The following TMC6 variants were observed in gnomAD, a reference collection of about 807,000 sequenced individuals.
TMC6 encodes the protein transmembrane channel-like protein 6.
TMC6 carries 71 observed loss-of-function variants against 95.4 expected under a neutral mutation model. The observed-to-expected ratio is 0.74, with a 90% CI of 0.61 to 0.91. The LOEUF is 0.91. TMC6 is among the 40% of genes least tolerant of loss of function. TMC6 has a pLI of 0.00. For synonymous variants in TMC6, 514 were observed against 483.1 expected, an observed-to-expected ratio of 1.06 and a Z score of -0.84; for missense variants, 1,074 against 1,079.1, an observed-to-expected ratio of 1.00 and a Z score of 0.07.
intron 17 of TMC6, 27 bp from the exon 18 acceptor site, chr17:78,117,374 G>A: frequency 6.2e-7 from 1 of 1,612,852 alleles, no homozygotes. Context: ...GTCGGGCAGG[G>A]CCCAGGGCCA....
At chr17:78,119,131 T>C in intron 14 of TMC6, 85 bp from the exon 15 acceptor site, 3 of 1,506,682 alleles carry the variant, frequency 2.0e-6, no homozygotes, top group Admixed American at 3.8e-5. Flanking sequence ...GGGCAGGGCA[T>C]GTGACAGTGG....
chr17:78,108,417 G>C lies in TMC6; in HGVS notation c.*4731C>G, dbSNP rs916520944. 1 of 154,904 alleles carries C rather than the reference G, an allele frequency of 6.5e-6. No homozygotes were observed. Among genetic ancestry groups the C allele is most frequent in the African/African-American group, 2.4e-5 (1 of 41,538 alleles). The allele number at this position is 154,904 out of a possible 1,614,324, so 9.6% of individuals were successfully genotyped here. A position where few individuals can be genotyped will look rare whatever the true frequency, so the allele number is the denominator to read the frequency against. On this transcript the variant is annotated 3_prime_UTR_variant, in exon 20 of 20. Coordinates refer to ENST00000590602, the MANE Select transcript of TMC6 (RefSeq NM_001127198.5). ...TCAAAATGCACTTGAACCTGGAAGCGGCAACCCTCAGCTCTGCGCGGCCGA... is the reference window on the plus strand; with the variant it reads ...TCAAAATGCACTTGAACCTGGAAGCCGCAACCCTCAGCTCTGCGCGGCCGA...
In TMC6 at chr17:78,119,296, C is replaced by T. The variant is rs1567989416; in HGVS notation, c.1811+1G>A. The T allele has an allele frequency of 6.2e-7, 1 of 1,614,000 alleles. No individual in the cohort carries two copies. The highest frequency in any genetic ancestry group is 8.5e-7 in the Non-Finnish European group (1 of 1,180,016). ...GTAGGAGGCAAGCAGAGGACCCTCACCAGGTCAGAGTCTGCCCATAAATCA... is the reference window on the plus strand; with the variant it reads ...GTAGGAGGCAAGCAGAGGACCCTCATCAGGTCAGAGTCTGCCCATAAATCA... On this transcript the variant is annotated splice_donor_variant, in intron 14 of 19. Coordinates refer to ENST00000590602, the MANE Select transcript of TMC6 (RefSeq NM_001127198.5). LOFTEE classifies it high-confidence loss of function.
chr17:78,126,245 G>C, intron 4 of TMC6, 32 bp downstream of exon 4: 1 of 1,542,684 alleles, frequency 6.5e-7, no homozygotes, highest in Non-Finnish European at 8.7e-7. Context: ...CTCGGGGCCG[G>C]GGCCGAGGCC....
At chr17:78,124,390 G>A in intron 8 of TMC6, 134 bp downstream of exon 8, 1 of 1,446,694 alleles carries the variant, frequency 6.9e-7, no homozygotes, top group East Asian at 2.4e-5. Flanking sequence ...GAGGCGGGGA[G>A]CTGGCTGTGG....
chr17:78,115,914 C>T (rs1000310484), intron 18 of TMC6, among the ~76,000 whole-genome samples: 4 of 149,788 alleles, frequency 2.7e-5, no homozygotes, highest in South Asian at 2.1e-4. Flanking sequence ...GGCACAGGGG[C>T]GAAGGGAGTG....
intron 15 of TMC6, 144 bp from the exon 16 acceptor site, chr17:78,118,079 C>T: frequency 7.2e-7 from 1 of 1,380,770 alleles, no homozygotes; most frequent in South Asian, 1.3e-5. Context: ...TCCTCATTTA[C>T]AGAGGAAGAC....
intron 12 of TMC6, 63 bp downstream of exon 12, chr17:78,120,950 C>T (rs747559259): frequency 6.2e-6 from 10 of 1,612,588 alleles, no homozygotes; most frequent in South Asian, 1.1e-5. Context: ...TTGGATACAC[C>T]CGGAGCTAAA....
chr17:78,121,455 G>A lies in TMC6; in HGVS notation c.1383+101C>T, dbSNP rs1310748903. Reference sequence around the variant, plus strand: ...GCGTACGTGGCACCCTGGGCTGGCTGGGTGGAGGAGGAGAGGCAAGGCTGC... The same window carrying A: ...GCGTACGTGGCACCCTGGGCTGGCTAGGTGGAGGAGGAGAGGCAAGGCTGC... On this transcript the variant is annotated intron_variant, in intron 11 of 19. Transcript: ENST00000590602. The surrounding 1 kb of genome is among the most constrained non-coding windows in gnomAD (Gnocchi z 5.6). 2 of 1,570,358 alleles carry A rather than the reference G, an allele frequency of 1.3e-6. No homozygotes were observed. Among genetic ancestry groups the A allele is most frequent in the Non-Finnish European group, 1.7e-6 (2 of 1,157,000 alleles).
In TMC6 at chr17:78,119,335, C is replaced by G. The variant is rs780430625; in HGVS notation, c.1773G>C (p.Arg591=). Residue 591 remains arginine (R), a synonymous_variant, in exon 14 of 20, where the codon CGG becomes CGC. Transcript: ENST00000590602. ...RRRKPEFDIA[R]NVLELIYGQT... ...GCCCATAAATCAGCTCCAGGACATTCCGGGCAATGTCAAACTCCGGCTTCC... is the reference window on the plus strand; with the variant it reads ...GCCCATAAATCAGCTCCAGGACATTGCGGGCAATGTCAAACTCCGGCTTCC... 6.2e-7 allele frequency: 1 copy of G among 1,614,098 alleles called. No individual in the cohort carries two copies. The highest frequency in any genetic ancestry group is 8.5e-7 in the Non-Finnish European group (1 of 1,180,036).
chr17:78,117,861 C>A lies in TMC6; in HGVS notation c.1962G>T (p.Thr654=), dbSNP rs140188188. 1.3e-5 allele frequency: 21 copies of A among 1,607,894 alleles called. No individual in the cohort carries two copies. The African/African-American group carries it at 2.0e-4, about 15-fold the overall frequency. Residue 654 remains threonine, a synonymous_variant, in exon 16 of 20, where the codon ACG becomes ACT. Coordinates refer to ENST00000590602, the MANE Select transcript of TMC6 (RefSeq NM_001127198.5). ...CCAGGAAGGCGGGGAAGCAGAGCAG[C>A]GTGAGGAAGACGGTGCTCATGTGTG... ...LASHMSTVFL[T]LLCFPAFLGA...
intron 1 of TMC6, among the ~76,000 whole-genome samples, chr17:78,127,647 C>T (rs1334464692): frequency 6.6e-6 from 1 of 152,244 alleles, no homozygotes; most frequent in Admixed American, 6.5e-5. Context: ...GGAGCCAGGA[C>T]TCAGCTCCCA....
rs750592250 is a variant in TMC6 at position 78,111,143 on chromosome 17, G to A, written c.*2005C>T. On this transcript the variant is annotated 3_prime_UTR_variant, in exon 20 of 20. Coordinates refer to ENST00000590602, the MANE Select transcript of TMC6 (RefSeq NM_001127198.5). ...TCTTTAGGTGAAATCGACTGTAGGT[G>A]TTCACCACATTCCAGCAGCACACGA... 3 of 152,284 alleles carry A rather than the reference G, an allele frequency of 2.0e-5. No homozygotes were observed. The highest frequency in any genetic ancestry group is 7.2e-5 in the African/African-American group (3 of 41,460). The allele number at this position is 152,284 out of a possible 1,614,324, so 9.4% of individuals were successfully genotyped here.
chr17:78,115,962 G>A (rs954445617), intron 18 of TMC6, among the ~76,000 whole-genome samples: 2 of 151,884 alleles, frequency 1.3e-5, no homozygotes, highest in African/African-American at 2.4e-5. Context: ...AGTACTCCTG[G>A]GGGCTGCCTC....
At chr17:78,116,114 G>C (rs1193038810) in intron 18 of TMC6, among the ~76,000 whole-genome samples, 1 of 151,740 alleles carries the variant, frequency 6.6e-6, no homozygotes, top group Non-Finnish European at 1.5e-5. Context: ...TGAGTAGCTG[G>C]TACAGGTGGA....
chr17:78,122,440 C>G lies in TMC6; in HGVS notation c.1227+165G>C. 2.0e-6 allele frequency: 2 copies of G among 1,016,536 alleles called. No individual in the cohort carries two copies. The highest frequency in any genetic ancestry group is 3.3e-5 in the South Asian group (2 of 61,186). The allele number at this position is 1,016,536 out of a possible 1,614,324, so 63.0% of individuals were successfully genotyped here. A position where few individuals can be genotyped will look rare whatever the true frequency, so the allele number is the denominator to read the frequency against. On this transcript the variant is annotated intron_variant, in intron 10 of 19. Transcript: ENST00000590602. The surrounding 1 kb of genome is among the most constrained non-coding windows in gnomAD (Gnocchi z 4.9). ...GCCAGAGAAAAACTCAGGGCCTGCC[C>G]GTCACTGCAAGCAGAAGACCACGCC...
In TMC6 at chr17:78,113,043, G is replaced by T; in HGVS notation, c.*105C>A. ...GCCTAGGCGCAGCTGCGGCTTTCGA[G>T]AGGCGAAACTGTCTTCCTTGTCCTG... is the stretch of plus-strand genomic sequence containing the variant. On this transcript the variant is annotated 3_prime_UTR_variant, in exon 20 of 20. Transcript: ENST00000590602. 1 of 1,386,538 alleles carries T rather than the reference G, an allele frequency of 7.2e-7. No homozygotes were observed. Among genetic ancestry groups the T allele is most frequent in the Non-Finnish European group, 1.0e-6 (1 of 1,002,318 alleles). The allele number at this position is 1,386,538 out of a possible 1,614,324, so 85.9% of individuals were successfully genotyped here.
rs748722147 is a variant in TMC6, at chr17:78,118,989, G to A, written c.1869C>T (p.Leu623=). Residue 623 remains leucine (L), a synonymous_variant, in exon 15 of 20, where the codon CTC becomes CTT. Coordinates refer to ENST00000590602, the MANE Select transcript of TMC6 (RefSeq NM_001127198.5). ...GCCTCACCTTCTTGACATAGAAGAC[G>A]AGCAGCAGCTTGATGATCTGCACGG... ...LPAVQIIKLL[L]VFYVKKTSLL... 6 of 1,604,872 alleles carry A rather than the reference G, an allele frequency of 3.7e-6. No individual in the cohort carries two copies. The highest frequency in any genetic ancestry group is 1.3e-5 in the African/African-American group (1 of 74,728).
chr17:78,132,000 C>T (rs1222174878), upstream of TMC6: 17 of 1,531,858 alleles, frequency 1.1e-5, no homozygotes, highest in African/African-American at 2.3e-4. Context: ...GGGCCTTGGG[C>T]TCTGGGAGGG....
Sources: allele counts gnomAD v4.1 joint callset (sites outside exome capture counted in the v4.1 genomes callset), GRCh38; gene constraint gnomAD v4.1.1; non-coding constraint Gnocchi (gnomAD v3.1); transcripts MANE v1.5; gene names NCBI Gene and HGNC (gene_info 2026-07-23, HGNC 2026-07-21).